Variants in CSMD1 observed in about 807,000 individuals in gnomAD.
The protein encoded by CSMD1 is CUB and sushi domain-containing protein 1.
A neutral mutation model predicts 417.5 loss-of-function variants in CSMD1; 213 were observed. The observed-to-expected ratio is 0.51, with a 90% confidence interval of 0.46 to 0.57. The LOEUF is 0.57. Among genes scored for constraint, CSMD1 ranks in the 20% least tolerant of loss-of-function variants. The pLI, the probability that CSMD1 is intolerant of heterozygous loss-of-function variation, is 0.00. For missense variants in CSMD1, 6,923 were observed against 4,529.7 expected, an observed-to-expected ratio of 1.53 and a Z score of -15.17; for synonymous variants, 2,862 against 1,736.8, an observed-to-expected ratio of 1.65 and a Z score of -16.11.
chr8:4,487,863 A>C (rs1307342253), intron 2 of CSMD1, among the ~76,000 whole-genome samples: 1 of 152,228 alleles, frequency 6.6e-6, no homozygotes, highest in Non-Finnish European at 1.5e-5. Flanking sequence ...TTATCTGTAA[A>C]ACCAGACACT....
chr8:3,680,548 G>C (rs1043986353), intron 7 of CSMD1, among the ~76,000 whole-genome samples: 1 of 152,088 alleles, frequency 6.6e-6, no homozygotes, highest in Non-Finnish European at 1.5e-5. Flanking sequence ...ATAATTAATA[G>C]CTTACCAACC....
At chr8:3,503,561 C>G (rs1397991489) in intron 10 of CSMD1, among the ~76,000 whole-genome samples, 1 of 152,200 alleles carries the variant, frequency 6.6e-6, no homozygotes, top group Non-Finnish European at 1.5e-5. Context: ...TTAAGTATTA[C>G]TGACATCCCC....
At chr8:4,710,096 A>G (rs1213480508) in intron 1 of CSMD1, among the ~76,000 whole-genome samples, 1 of 152,156 alleles carries the variant, frequency 6.6e-6, no homozygotes, top group African/African-American at 2.4e-5. Flanking sequence ...ATATCGCCCA[A>G]GGAAAAGCAA....
At chr8:4,510,390 T>TAAAAAAAAAAAAAAAAGAAAAAAAA (rs1802751417) in intron 2 of CSMD1, among the ~76,000 whole-genome samples, 1 of 54,618 alleles carries the variant, frequency 1.8e-5, no homozygotes, top group African/African-American at 7.7e-5. Flanking sequence ...GCATAATGCC[T>TAAAAAAAAAAAAAAAAGAAAAAAAA]AAAAAAAAAA....
chr8:3,418,658 G>A (rs1395736484), intron 12 of CSMD1, among the ~76,000 whole-genome samples: 1 of 152,060 alleles, frequency 6.6e-6, no homozygotes, highest in African/African-American at 2.4e-5. Context: ...ATGAGAAGCA[G>A]GTTTTCCAGT....
At chr8:3,710,911 G>A (rs1801472024) in intron 6 of CSMD1, among the ~76,000 whole-genome samples, 1 of 152,252 alleles carries the variant, frequency 6.6e-6, no homozygotes, top group South Asian at 2.1e-4. Context: ...AGGAGGGCAG[G>A]GCTGCAGGAG....
rs114265167 is a variant in CSMD1 at position 3,584,645 on chromosome 8, T to C, written c.1222+1491A>G. On this transcript the variant is annotated intron_variant, in intron 9 of 69. Transcript: ENST00000635120. ...TAGGTAAACATATAAAATCAAATAATATAAAGGCAAATATTTAAGTTACTC... is the reference window on the plus strand; with the variant it reads ...TAGGTAAACATATAAAATCAAATAACATAAAGGCAAATATTTAAGTTACTC... Among the ~76,000 whole-genome samples, 1,484 of 152,222 alleles carry C rather than the reference T, an allele frequency of 9.7e-3. 35 individuals are homozygous for C. The highest frequency in any genetic ancestry group is 0.033 in the African/African-American group (1,355 of 41,522).
intron 1 of CSMD1, among the ~76,000 whole-genome samples, chr8:4,672,758 G>T (rs1321198428): frequency 1.3e-5 from 2 of 151,566 alleles, no homozygotes; most frequent in Non-Finnish European, 2.9e-5. Flanking sequence ...GACATACCCA[G>T]TCACATGCAT....
intron 23 of CSMD1, among the ~76,000 whole-genome samples, chr8:3,311,316 C>T (rs1354511403): frequency 6.6e-6 from 1 of 152,048 alleles, no homozygotes; most frequent in Non-Finnish European, 1.5e-5. Flanking sequence ...GTGGCATGAT[C>T]TCGGCTCACT....
At chr8:4,163,061 T>A (rs115594346) in intron 3 of CSMD1, among the ~76,000 whole-genome samples, 1 of 152,202 alleles carries the variant, frequency 6.6e-6, no homozygotes, top group Admixed American at 6.5e-5. Flanking sequence ...TTTGCATGGC[T>A]TTCGGTTAAT....
chr8:4,361,025 A>T (rs1298513694), intron 3 of CSMD1, among the ~76,000 whole-genome samples: 18 of 152,326 alleles, frequency 1.2e-4, no homozygotes, highest in Non-Finnish European at 7.3e-5. Context: ...TATTTCTTAA[A>T]ATTAATGCTA....
chr8:4,747,723 T>C (rs373604660), intron 1 of CSMD1, among the ~76,000 whole-genome samples: 7 of 152,164 alleles, frequency 4.6e-5, no homozygotes, highest in South Asian at 2.1e-4. Context: ...TCTAGATGAA[T>C]GAGATGCCAA....
chr8:3,124,093 G>GT lies in CSMD1; in HGVS notation c.6242-5507dup, dbSNP rs535330635. On this transcript the variant is annotated intron_variant, in intron 41 of 69. Transcript: ENST00000635120. ...CTAATCACTGAAAAAAATTGTTGTT[G>GT]TTTTTTTTTCTTTTCTCAATGGCAA... 4.7e-4 allele frequency among the ~76,000 whole-genome samples: 71 copies of GT among 150,954 alleles called. 1 individual carries two copies. The highest frequency in any genetic ancestry group is 1.6e-3 in the Admixed American group (24 of 15,140).
At chr8:4,921,909 G>A (rs1164641704) in intron 1 of CSMD1, among the ~76,000 whole-genome samples, 2 of 152,176 alleles carry the variant, frequency 1.3e-5, no homozygotes, top group Non-Finnish European at 2.9e-5. Flanking sequence ...CATGCAAGAA[G>A]CCACCTCCAG....
chr8:4,263,715 A>C (rs898810417), intron 3 of CSMD1, among the ~76,000 whole-genome samples: 3 of 152,224 alleles, frequency 2.0e-5, no homozygotes, highest in Non-Finnish European at 2.9e-5. Flanking sequence ...CTTACTGGCA[A>C]CAATAATAAA....
intron 5 of CSMD1, among the ~76,000 whole-genome samples, chr8:3,798,901 A>G (rs1800308937): frequency 6.6e-6 from 1 of 152,052 alleles, no homozygotes; most frequent in Non-Finnish European, 1.5e-5. Flanking sequence ...TATAGGTGCA[A>G]AAGAAGAAAT....
At chr8:4,384,754 C>G (rs995359740) in intron 3 of CSMD1, among the ~76,000 whole-genome samples, 7 of 152,196 alleles carry the variant, frequency 4.6e-5, no homozygotes, top group African/African-American at 1.7e-4. Context: ...CACTTCACAT[C>G]AGCAATTCCT....
intron 3 of CSMD1, among the ~76,000 whole-genome samples, chr8:4,252,684 G>T (rs77200258): frequency 6.6e-6 from 1 of 152,212 alleles, no homozygotes; most frequent in Non-Finnish European, 1.5e-5. Flanking sequence ...GAGTTAACCA[G>T]TGAAATGCTA....
intron 23 of CSMD1, among the ~76,000 whole-genome samples, chr8:3,324,267 T>G (rs1219166514): frequency 7.0e-6 from 1 of 142,832 alleles, no homozygotes; most frequent in African/African-American, 2.7e-5. Context: ...CTTTCATCGT[T>G]GTTAAAATAG....
Sources: allele counts gnomAD v4.1 joint callset (sites outside exome capture counted in the v4.1 genomes callset), GRCh38; gene constraint gnomAD v4.1.1; transcripts MANE v1.5; gene names NCBI Gene and HGNC (gene_info 2026-07-23, HGNC 2026-07-21).